Variants in HTR4 observed in about 807,000 individuals in gnomAD.
HTR4 encodes 5-hydroxytryptamine receptor 4, also known as 5-hydroxytryptamine (serotonin) receptor 4, G protein-coupled.
A neutral mutation model predicts 36.8 loss-of-function variants in HTR4; 16 were observed. The observed-to-expected ratio is 0.43, with a 90% CI of 0.29 to 0.66. The LOEUF (loss-of-function observed/expected upper bound fraction) is 0.66. Ranked by LOEUF, HTR4 falls within the 30% of genes least tolerant of loss-of-function variation. The pLI, the probability that HTR4 is intolerant of heterozygous loss-of-function variation, is 0.13. For synonymous variants in HTR4, 189 were observed against 185.1 expected (o/e 1.02, Z -0.17); for missense variants, 438 against 490.9 (o/e 0.89, Z 1.02).
intron 5 of HTR4, among the ~76,000 whole-genome samples, chr5:148,457,949 T>G (rs1027157259): frequency 6.6e-5 from 9 of 136,538 alleles, no homozygotes; most frequent in East Asian, 4.2e-4. Context: ...TTAAGATATA[T>G]TAAATATATA....
intron 6 of HTR4, chr5:148,484,439 C>T: frequency 6.6e-7 from 1 of 1,509,738 alleles, no homozygotes; most frequent in Non-Finnish European, 9.1e-7. Context: ...CTTACTTACA[C>T]AAGCTATGAG....
At chr5:148,464,658 T>C (rs1417650585) in intron 5 of HTR4, among the ~76,000 whole-genome samples, 1 of 152,168 alleles carries the variant, frequency 6.6e-6, no homozygotes, top group African/African-American at 2.4e-5. Flanking sequence ...TTTAGCCACT[T>C]TGGAACACAG....
intron 1 of HTR4, among the ~76,000 whole-genome samples, chr5:148,637,862 G>A (rs558658442): frequency 2.0e-5 from 3 of 152,188 alleles, no homozygotes; most frequent in Non-Finnish European, 2.9e-5. Context: ...GGCAGGGTCC[G>A]GCTGTCTCTT....
intron 2 of HTR4, among the ~76,000 whole-genome samples, chr5:148,561,262 A>C (rs947801458): frequency 2.0e-5 from 3 of 152,174 alleles, no homozygotes; most frequent in Non-Finnish European, 4.4e-5. Flanking sequence ...CTCTCTGTAC[A>C]GAGTATAATG....
At chr5:148,550,075 A>G in intron 3 of HTR4, 62 bp downstream of exon 3, 1 of 1,558,312 alleles carries the variant, frequency 6.4e-7, no homozygotes, top group Non-Finnish European at 8.8e-7. Flanking sequence ...GTTCACACCC[A>G]ACTCTCTAGG....
At chr5:148,476,248 G>A (rs1248577515), downstream of HTR4, among the ~76,000 whole-genome samples, 1 of 152,146 alleles carries the variant, frequency 6.6e-6, no homozygotes, top group Admixed American at 6.5e-5. Flanking sequence ...GTGAAATGGA[G>A]GCCAATGTCC....
intron 6 of HTR4, among the ~76,000 whole-genome samples, chr5:148,504,236 A>G (rs1757075938): frequency 6.6e-6 from 1 of 152,212 alleles, no homozygotes; most frequent in South Asian, 2.1e-4. Flanking sequence ...TTGTCCACAT[A>G]GTTGGAAGTA....
intron 2 of HTR4, among the ~76,000 whole-genome samples, chr5:148,608,022 C>A (rs916445010): frequency 1.3e-5 from 2 of 152,098 alleles, no homozygotes; most frequent in African/African-American, 4.8e-5. Flanking sequence ...GAGCTTAGAA[C>A]CTTGCTCTGG....
At chr5:148,649,533 A>G (rs1239790381) in intron 1 of HTR4, among the ~76,000 whole-genome samples, 1 of 152,212 alleles carries the variant, frequency 6.6e-6, no homozygotes, top group Admixed American at 6.5e-5. Flanking sequence ...ACAAGATATT[A>G]AAGGACTTTT....
intron 2 of HTR4, among the ~76,000 whole-genome samples, chr5:148,617,758 C>T (rs765662427): frequency 3.6e-4 from 55 of 152,140 alleles, no homozygotes; most frequent in Admixed American, 5.9e-4. Context: ...TGAGCCACGG[C>T]GCCCAGCCTA....
intron 6 of HTR4, among the ~76,000 whole-genome samples, chr5:148,504,012 C>A (rs1757059706): frequency 6.6e-6 from 1 of 152,156 alleles, no homozygotes; most frequent in Non-Finnish European, 1.5e-5. Flanking sequence ...TAGAGACCTA[C>A]AAAGAGACTT....
At chr5:148,481,263 T>G (rs1311568599), downstream of HTR4, among the ~76,000 whole-genome samples, 1 of 152,236 alleles carries the variant, frequency 6.6e-6, no homozygotes, top group African/African-American at 2.4e-5. Flanking sequence ...GAACAATGAC[T>G]TGAAAAATCA....
At chr5:148,466,799 C>T (rs1755441468) in intron 5 of HTR4, among the ~76,000 whole-genome samples, 1 of 152,202 alleles carries the variant, frequency 6.6e-6, no homozygotes, top group Non-Finnish European at 1.5e-5. Context: ...AAGTTAAATA[C>T]ATGATTAAGT....
intron 4 of HTR4, among the ~76,000 whole-genome samples, chr5:148,533,585 G>T (rs1158951417): frequency 2.0e-5 from 3 of 152,130 alleles, no homozygotes; most frequent in African/African-American, 7.2e-5. Flanking sequence ...CACAGAAAAG[G>T]CACAAGAAGC....
chr5:148,463,134 G>T (rs1216399864), intron 5 of HTR4, among the ~76,000 whole-genome samples: 8 of 123,438 alleles, frequency 6.5e-5, no homozygotes, highest in African/African-American at 2.4e-4. Context: ...CACTGCTTTT[G>T]CTTTGCTTTG....
At chr5:148,640,155 T>G (rs1438369060) in intron 1 of HTR4, among the ~76,000 whole-genome samples, 4 of 152,156 alleles carry the variant, frequency 2.6e-5, no homozygotes, top group African/African-American at 9.7e-5. Context: ...CTTACATCAT[T>G]CTTGTCATCT....
chr5:148,596,510 C>T (rs1561640949), intron 2 of HTR4, among the ~76,000 whole-genome samples: 1 of 152,166 alleles, frequency 6.6e-6, no homozygotes, highest in Non-Finnish European at 1.5e-5. Context: ...TTTCCCAATG[C>T]TGGCATTTTG....
intron 2 of HTR4, among the ~76,000 whole-genome samples, chr5:148,601,761 G>A (rs1339053683): frequency 6.6e-6 from 1 of 152,040 alleles, no homozygotes; most frequent in African/African-American, 2.4e-5. Context: ...AGGTGGTGCG[G>A]CCACACTCCG....
At chr5:148,625,520 A>G (rs1753069618) in intron 2 of HTR4, among the ~76,000 whole-genome samples, 1 of 152,160 alleles carries the variant, frequency 6.6e-6, no homozygotes, top group African/African-American at 2.4e-5. Context: ...AGAAGCATCA[A>G]TGTTCCTGCA....
Sources: gnomAD v4.1 joint callset for allele counts (sites outside exome capture counted in the v4.1 genomes callset) on GRCh38, gnomAD v4.1.1 for gene constraint, MANE v1.5 for transcripts, NCBI Gene and HGNC (gene_info 2026-07-23, HGNC 2026-07-21) for gene names.